VPS4B: variants seen among roughly 807,000 people sequenced by gnomAD.
The protein encoded by VPS4B is vacuolar protein sorting 4 homolog B, also known as vacuolar protein sorting-associated protein 4B.
A neutral mutation model predicts 56.1 loss-of-function variants in VPS4B; 23 were observed. That is an observed-to-expected ratio of 0.41 (90% CI 0.30 to 0.58). VPS4B has a LOEUF of 0.58. Among genes scored for constraint, VPS4B ranks in the 20% least tolerant of loss-of-function variants. VPS4B has a pLI of 0.29. For missense variants in VPS4B, 372 were observed against 531.9 expected, an observed-to-expected ratio of 0.70 and a Z score of 2.96; for synonymous variants, 177 against 186.0, an observed-to-expected ratio of 0.95 and a Z score of 0.39.
Position 63,410,311 on chromosome 18 carries a change from G to T in VPS4B, c.275C>A (p.Pro92Gln). Residue 92 changes from proline (P) to glutamine (Q), a missense_variant, in exon 3 of 11, where the codon CCG becomes CAG. Pro to Gln is a moderately conservative substitution (Grantham distance 76). Coordinates refer to ENST00000238497, the MANE Select transcript of VPS4B (RefSeq NM_004869.4). ...GTACCCCTTCTCATCTGCTGGACTC[G>T]GCTGTCCTTCTTTCACTGGCTTCTG... ...KAQKPVKEGQ[P>Q]SPADEKGNDS... 6.2e-7 allele frequency: 1 copy of T among 1,613,906 alleles called. No homozygotes were observed. The highest frequency in any genetic ancestry group is 8.5e-7 in the Non-Finnish European group (1 of 1,179,984).
Position 63,410,314 on chromosome 18 carries a change from T to TGTC in VPS4B, c.269_271dup (p.Gly90_Gln91insArg). On this transcript the variant is annotated inframe_insertion, in exon 3 of 11. Transcript: ENST00000238497. Reference sequence around the variant, plus strand: ...CCCCTTCTCATCTGCTGGACTCGGCTGTCCTTCTTTCACTGGCTTCTGTGC... The same window carrying TGTC: ...CCCCTTCTCATCTGCTGGACTCGGCTGTCGTCCTTCTTTCACTGGCTTCTGTGC... The TGTC allele has an allele frequency of 6.2e-7, 1 of 1,614,064 alleles. No individual in the cohort carries two copies. The highest frequency in any genetic ancestry group is 8.5e-7 in the Non-Finnish European group (1 of 1,180,010).
intron 1 of VPS4B, among the ~76,000 whole-genome samples, chr18:63,413,337 G>A (rs1417397053): frequency 6.6e-6 from 1 of 152,098 alleles, no homozygotes; most frequent in African/African-American, 2.4e-5. Flanking sequence ...TCAGGAGTTT[G>A]CGACCAGCGT....
intron 4 of VPS4B, among the ~76,000 whole-genome samples, chr18:63,406,821 T>C (rs1315285759): frequency 6.6e-6 from 1 of 152,188 alleles, no homozygotes; most frequent in Non-Finnish European, 1.5e-5. Context: ...AATTAGAAAG[T>C]TCTAAGTGGC....
chr18:63,412,429 A>G (rs370595625), intron 1 of VPS4B, among the ~76,000 whole-genome samples: 1 of 152,216 alleles, frequency 6.6e-6, no homozygotes, highest in Non-Finnish European at 1.5e-5. Context: ...AAAAATGTCC[A>G]TAAGGAACAT....
intron 1 of VPS4B, among the ~76,000 whole-genome samples, chr18:63,420,388 C>T (rs564299376): frequency 6.3e-4 from 96 of 151,952 alleles, no homozygotes; most frequent in African/African-American, 2.2e-3. Flanking sequence ...GTGGAGGTTG[C>T]AGTGCGCCAA....
intron 1 of VPS4B, among the ~76,000 whole-genome samples, chr18:63,419,653 T>A (rs992108978): frequency 2.6e-5 from 4 of 152,226 alleles, no homozygotes; most frequent in African/African-American, 9.6e-5. Context: ...GTTCTCAACC[T>A]TCTTGTGATT....
In VPS4B at chr18:63,403,660, G is replaced by T. The variant is rs770136203; in HGVS notation, c.484+47C>A. ...ACAATGCTTCACCTCAGTCATCAAT[G>T]AACTTTTACAAACTCATGAAATAAA... On this transcript the variant is annotated intron_variant, in intron 5 of 10. Transcript: ENST00000238497. The T allele has an allele frequency of 1.2e-5, 19 of 1,550,714 alleles. No individual in the cohort carries two copies. In the East Asian group the frequency reaches 3.6e-4, roughly 30 times the overall value.
Position 63,393,396 on chromosome 18 carries a change from C to A in VPS4B, c.1233+13G>T. On this transcript the variant is annotated intron_variant, in intron 10 of 10. Transcript: ENST00000238497. ...TTTAAAATATTTTCTTAAAAACAAA[C>A]AAAATTTCAAACCATGGAAACAACT... 6.4e-7 allele frequency: 1 copy of A among 1,570,472 alleles called. No individual in the cohort carries two copies. The highest frequency in any genetic ancestry group is 8.6e-7 in the Non-Finnish European group (1 of 1,163,034).
Position 63,389,507 on chromosome 18 carries a change from T to G in VPS4B, c.*1468A>C, listed in dbSNP as rs1026262384. The G allele has an allele frequency of 6.5e-6, 1 of 152,702 alleles. No homozygotes were observed. The highest frequency in any genetic ancestry group is 2.4e-5 in the African/African-American group (1 of 41,470). The allele number at this position is 152,702 out of a possible 1,614,324, so 9.5% of individuals were successfully genotyped here. ...GGGAATCTAGTTCATCCTAACTTAA[T>G]AGTCTTTTGCATGTATAGACAATGC... On this transcript the variant is annotated 3_prime_UTR_variant, in exon 11 of 11. Coordinates refer to ENST00000238497, the MANE Select transcript of VPS4B (RefSeq NM_004869.4).
chr18:63,397,865 GA>G (rs1915705784), intron 8 of VPS4B, among the ~76,000 whole-genome samples: 2 of 152,164 alleles, frequency 1.3e-5, no homozygotes, highest in Non-Finnish European at 2.9e-5. Context: ...CTGTGACAAT[GA>G]AAAGAATTTA....
At chr18:63,396,701 T>G (rs916038514) in intron 9 of VPS4B, 4 of 243,174 alleles carry the variant, frequency 1.6e-5, no homozygotes, top group Non-Finnish European at 3.2e-5. Flanking sequence ...TGAAACTTGA[T>G]TTTAAAAATA....
At chr18:63,421,978 T>C (rs1445888885) in intron 1 of VPS4B, among the ~76,000 whole-genome samples, 2 of 152,228 alleles carry the variant, frequency 1.3e-5, no homozygotes, top group Admixed American at 1.3e-4. Flanking sequence ...CTTGGCTGGT[T>C]TGGAAGCGGG....
At chr18:63,420,221 C>T (rs1242430346) in intron 1 of VPS4B, among the ~76,000 whole-genome samples, 2 of 152,064 alleles carry the variant, frequency 1.3e-5, no homozygotes, top group African/African-American at 4.8e-5. Context: ...CTAAGGCGGG[C>T]GGATCACTTG....
rs547388701 is a variant in VPS4B at position 63,397,016 on chromosome 18, T to G, written c.1092+18A>C. ...AAAAAAAAAAAAAGATAGGAAAGGA[T>G]AGATAAAAATGACTTACCTTTTTAA... On this transcript the variant is annotated intron_variant, in intron 9 of 10. Transcript: ENST00000238497. The G allele has an allele frequency of 1.4e-5, 22 of 1,581,472 alleles. No individual in the cohort carries two copies. In the South Asian group the frequency reaches 1.9e-4, roughly 14 times the overall value.
At chr18:63,409,618 T>C (rs1915989979) in intron 3 of VPS4B, among the ~76,000 whole-genome samples, 1 of 152,216 alleles carries the variant, frequency 6.6e-6, no homozygotes, top group Non-Finnish European at 1.5e-5. Context: ...TGTCATGTAC[T>C]GAATAAACAA....
intron 1 of VPS4B, among the ~76,000 whole-genome samples, chr18:63,412,324 A>G (rs924342239): frequency 3.9e-5 from 6 of 152,230 alleles, no homozygotes; most frequent in African/African-American, 1.4e-4. Context: ...AGCAGAAAAA[A>G]GCAGCACAGG....
At chr18:63,420,935 G>A (rs1470023666) in intron 1 of VPS4B, among the ~76,000 whole-genome samples, 14 of 151,616 alleles carry the variant, frequency 9.2e-5, no homozygotes, top group African/African-American at 3.4e-4. Flanking sequence ...GTACTCAGGA[G>A]GCTGAGGCAA....
chr18:63,391,108 TTAA>T, intron 10 of VPS4B, 32 bp from the exon 11 acceptor site: 1 of 1,399,938 alleles, frequency 7.1e-7, no homozygotes, highest in South Asian at 1.2e-5. Context: ...AGGGAGGATA[TTAA>T]TAATAGAGTT....
rs1174067226 is a variant in VPS4B, at chr18:63,389,403, G to A, written c.*1572C>T. 1.3e-5 allele frequency: 2 copies of A among 152,504 alleles called. No individual in the cohort carries two copies. Among genetic ancestry groups the A allele is most frequent in the Non-Finnish European group, 2.9e-5 (2 of 68,014 alleles). 9.4% of individuals were successfully genotyped at this position (152,504 alleles called of 1,614,324 possible). ...CAGAAAACCCAAAGGCAACCACATA[G>A]CATATGTAAAATGTGCAAATACACT... is the stretch of plus-strand genomic sequence containing the variant. On this transcript the variant is annotated 3_prime_UTR_variant, in exon 11 of 11. Coordinates refer to ENST00000238497, the MANE Select transcript of VPS4B (RefSeq NM_004869.4).
Sources: gnomAD v4.1 joint callset for allele counts (sites outside exome capture counted in the v4.1 genomes callset) on GRCh38, gnomAD v4.1.1 for gene constraint, MANE v1.5 for transcripts, NCBI Gene and HGNC (gene_info 2026-07-23, HGNC 2026-07-21) for gene names.